Variants in NTRK3 observed in about 807,000 individuals in gnomAD.
NTRK3 encodes neurotrophic receptor tyrosine kinase 3.
In NTRK3, 24 loss-of-function variants were observed where a neutral mutation model predicts 91.7. The observed-to-expected ratio is 0.26, with a 90% confidence interval of 0.19 to 0.37. NTRK3 has a LOEUF of 0.37. Among genes scored for constraint, NTRK3 ranks in the 10% least tolerant of loss-of-function variants. The pLI is 1.00. For missense variants in NTRK3, 880 were observed against 1,068.9 expected, an observed-to-expected ratio of 0.82 and a Z score of 2.46; for synonymous variants, 483 against 404.0, an observed-to-expected ratio of 1.20 and a Z score of -2.34.
chr15:88,170,195 T>C (rs376775815), intron 5 of NTRK3, among the ~76,000 whole-genome samples: 3 of 152,166 alleles, frequency 2.0e-5, no homozygotes, highest in Non-Finnish European at 4.4e-5. Flanking sequence ...TTTGTAGGAC[T>C]CTAAAGCACA....
chr15:88,060,383 CAA>C (rs11289394), intron 13 of NTRK3, among the ~76,000 whole-genome samples: 1,157 of 86,280 alleles, frequency 0.013, 15 homozygotes, highest in African/African-American at 0.044. Context: ...GACTCCATCT[CAA>C]AAAAAAAAAA....
At chr15:88,157,911 G>A (rs933567914) in intron 5 of NTRK3, among the ~76,000 whole-genome samples, 13 of 152,180 alleles carry the variant, frequency 8.5e-5, no homozygotes, top group African/African-American at 3.1e-4. Context: ...TCAAACCAGG[G>A]CAGCTGAGGG....
At chr15:88,256,114 G>A (rs111731219) in exon 3 of NTRK3, 3 of 1,547,096 alleles carry the variant, frequency 1.9e-6, no homozygotes, top group Middle Eastern at 3.5e-4. Context: ...AAGAAAATCC[G>A]CCAGAAACTA....
chr15:88,167,548 T>G (rs573412543), intron 5 of NTRK3, among the ~76,000 whole-genome samples: 2 of 152,330 alleles, frequency 1.3e-5, no homozygotes, highest in East Asian at 3.9e-4. Context: ...CTTCATCTTA[T>G]TATAGCATAT....
At chr15:88,014,178 G>T (rs1055024592) in intron 14 of NTRK3, among the ~76,000 whole-genome samples, 3 of 152,168 alleles carry the variant, frequency 2.0e-5, no homozygotes, top group Admixed American at 1.3e-4. Context: ...CAATTTCTGT[G>T]GCAATTACTG....
intron 3 of NTRK3, among the ~76,000 whole-genome samples, chr15:88,193,374 C>G (rs1275026314): frequency 6.6e-6 from 1 of 152,092 alleles, no homozygotes; most frequent in African/African-American, 2.4e-5. Context: ...CTCAAGGGCC[C>G]CATATCCAGA....
At chr15:88,022,388 C>T (rs943210978) in intron 14 of NTRK3, among the ~76,000 whole-genome samples, 3 of 152,184 alleles carry the variant, frequency 2.0e-5, no homozygotes, top group Non-Finnish European at 4.4e-5. Flanking sequence ...TCCTATCTGA[C>T]CCCTATGTAT....
chr15:88,044,761 A>G (rs997302684), intron 13 of NTRK3, among the ~76,000 whole-genome samples: 1 of 152,160 alleles, frequency 6.6e-6, no homozygotes, highest in African/African-American at 2.4e-5. Context: ...TATGAACTCA[A>G]TCCCATGCCC....
At chr15:87,982,071 T>G (rs2074330357) in intron 14 of NTRK3, among the ~76,000 whole-genome samples, 1 of 152,188 alleles carries the variant, frequency 6.6e-6, no homozygotes, top group African/African-American at 2.4e-5. Context: ...TCGGATCCAT[T>G]AAAGACCAGG....
At chr15:88,074,292 T>A (rs900985890) in intron 13 of NTRK3, among the ~76,000 whole-genome samples, 3 of 152,236 alleles carry the variant, frequency 2.0e-5, no homozygotes, top group African/African-American at 7.2e-5. Context: ...TCCAGCTCCA[T>A]CCATTAGAAT....
At chr15:88,128,638 G>T in intron 11 of NTRK3, 73 bp downstream of exon 11, 2 of 1,460,530 alleles carry the variant, frequency 1.4e-6, no homozygotes, top group Non-Finnish European at 1.9e-6. Context: ...AGGAGAGAGG[G>T]CTATTTGAAT....
chr15:88,017,040 T>G (rs1567232789), intron 14 of NTRK3, among the ~76,000 whole-genome samples: 1 of 151,682 alleles, frequency 6.6e-6, no homozygotes, highest in African/African-American at 2.4e-5. Context: ...ATTTGCCTCA[T>G]TAAGCCTCAC....
chr15:87,996,745 G>A (rs2075733854), intron 14 of NTRK3, among the ~76,000 whole-genome samples: 1 of 152,218 alleles, frequency 6.6e-6, no homozygotes, highest in East Asian at 1.9e-4. Flanking sequence ...AGCCAGGCAT[G>A]GCAGCACACA....
chr15:88,098,417 T>C (rs1401953995), intron 13 of NTRK3: 1 of 186,068 alleles, frequency 5.4e-6, no homozygotes, highest in African/African-American at 2.3e-5. Context: ...AAGCTTTATT[T>C]ACAAGGGCTT....
At chr15:88,081,277 G>A (rs1043739546) in intron 13 of NTRK3, among the ~76,000 whole-genome samples, 4 of 152,132 alleles carry the variant, frequency 2.6e-5, no homozygotes, top group African/African-American at 4.8e-5. Flanking sequence ...GTGACAGAAG[G>A]ATGGGGTGGA....
At chr15:88,042,571 G>A (rs1474607662) in intron 13 of NTRK3, among the ~76,000 whole-genome samples, 2 of 152,166 alleles carry the variant, frequency 1.3e-5, no homozygotes, top group South Asian at 2.1e-4. Context: ...TCTCTGGCTC[G>A]AATTCCCTCC....
intron 3 of NTRK3, among the ~76,000 whole-genome samples, chr15:88,196,845 C>A (rs1463521250): frequency 6.6e-6 from 1 of 152,118 alleles, no homozygotes; most frequent in East Asian, 1.9e-4. Context: ...CCCTTGATGC[C>A]TAACCTGTCT....
At chr15:87,982,803 A>G (rs1255822080) in intron 14 of NTRK3, among the ~76,000 whole-genome samples, 1 of 152,150 alleles carries the variant, frequency 6.6e-6, no homozygotes, top group Non-Finnish European at 1.5e-5. Context: ...AAGACATTCA[A>G]ATCTGTTTTT....
exon 19 of NTRK3, chr15:87,862,281 A>G: frequency 4.5e-6 from 1 of 224,240 alleles, no homozygotes; most frequent in Middle Eastern, 1.4e-3. Context: ...TCATCGTTCC[A>G]CTGAACTTGC....
Sources: allele counts gnomAD v4.1 joint callset (sites outside exome capture counted in the v4.1 genomes callset), GRCh38; gene constraint gnomAD v4.1.1; transcripts MANE v1.5; gene names NCBI Gene and HGNC (gene_info 2026-07-23, HGNC 2026-07-21).